Variants in BRSK2 observed in about 807,000 individuals in gnomAD.
BRSK2 encodes the protein serine/threonine-protein kinase BRSK2.
Under a neutral mutation model 83.3 loss-of-function variants are expected in BRSK2, and 19 were observed. The observed-to-expected ratio is 0.23, with a 90% CI of 0.16 to 0.33. The LOEUF (loss-of-function observed/expected upper bound fraction) is 0.33, where lower values mean the gene tolerates loss of function less well. Among genes scored for constraint, BRSK2 ranks in the 10% least tolerant of loss-of-function variants. BRSK2 has a pLI of 1.00. For missense variants in BRSK2, 798 were observed against 1,042.3 expected, an observed-to-expected ratio of 0.77 and a Z score of 3.23; for synonymous variants, 519 against 435.4, an observed-to-expected ratio of 1.19 and a Z score of -2.39.
Position 1,390,116 on chromosome 11 carries a change from G to A in BRSK2, c.-169G>A, listed in dbSNP as rs956464191. The A allele has an allele frequency of 4.7e-4, 75 of 158,602 alleles. No homozygotes were observed. The highest frequency in any genetic ancestry group is 3.2e-3 in the Middle Eastern group (1 of 308). 9.8% of individuals were successfully genotyped at this position (158,602 alleles called of 1,614,324 possible). ...CTCGGACTGCCGCGTCGGAGTGGAC[G>A]CGGGGGGCGGCGGCGCGGGCGGACG... is the stretch of plus-strand genomic sequence containing the variant. On this transcript the variant is annotated 5_prime_UTR_variant, in exon 1 of 20. Coordinates refer to ENST00000528841, the MANE Select transcript of BRSK2 (RefSeq NM_001256627.2). The surrounding 1 kb of genome is among the most constrained non-coding windows in gnomAD (Gnocchi z 6.8).
chr11:1,421,183 G>C (rs1848601552), intron 1 of BRSK2, among the ~76,000 whole-genome samples: 1 of 152,226 alleles, frequency 6.6e-6, no homozygotes, highest in Non-Finnish European at 1.5e-5. Flanking sequence ...GGGAGGGACA[G>C]TGTGGGGGCT....
intron 18 of BRSK2, chr11:1,457,119 C>T (rs561375731): frequency 3.7e-6 from 5 of 1,353,118 alleles, no homozygotes; most frequent in Non-Finnish European, 5.0e-6. Flanking sequence ...CAGGCTGGCC[C>T]TGAGCAGGGC....
intron 12 of BRSK2, 142 bp from the exon 13 acceptor site, chr11:1,449,634 T>G (rs1033813821): frequency 1.5e-6 from 1 of 649,170 alleles, no homozygotes; most frequent in Admixed American, 3.0e-5. Context: ...ATTGACAGGG[T>G]GTGCAGCAGG....
chr11:1,406,964 C>T (rs1290676082), intron 1 of BRSK2, among the ~76,000 whole-genome samples: 3 of 152,154 alleles, frequency 2.0e-5, no homozygotes, highest in African/African-American at 4.8e-5. Context: ...CCTGCCTGTG[C>T]GTGCAAACGT....
At chr11:1,446,050 G>A in intron 12 of BRSK2, 143 bp downstream of exon 12, 1 of 382,530 alleles carries the variant, frequency 2.6e-6, no homozygotes, top group Non-Finnish European at 4.2e-6. Flanking sequence ...GGGCTTAGCT[G>A]GGCTGGGCTG....
At chr11:1,455,412 A>G (rs1315274149) in intron 16 of BRSK2, among the ~76,000 whole-genome samples, 2 of 151,170 alleles carry the variant, frequency 1.3e-5, no homozygotes, top group East Asian at 3.9e-4. Flanking sequence ...GGTCTTGGCA[A>G]GATCAGGCCG....
chr11:1,401,122 G>A (rs959232149), intron 1 of BRSK2, among the ~76,000 whole-genome samples: 12 of 152,158 alleles, frequency 7.9e-5, no homozygotes, highest in Non-Finnish European at 1.5e-4. Flanking sequence ...GGGTGGAGCC[G>A]GTCACAGAGC....
At chr11:1,446,346 G>C (rs1196754316) in intron 12 of BRSK2, among the ~76,000 whole-genome samples, 1 of 149,350 alleles carries the variant, frequency 6.7e-6, no homozygotes, top group Non-Finnish European at 1.5e-5. Flanking sequence ...GATTTGACTG[G>C]GCTGAGCTGG....
chr11:1,445,052 C>T (rs369841207), intron 9 of BRSK2, 50 bp downstream of exon 9: 4 of 1,592,692 alleles, frequency 2.5e-6, no homozygotes, highest in African/African-American at 1.3e-5. Context: ...GTTGCTGTGG[C>T]CTGGAGGCCC....
rs1847520889 is a variant in BRSK2, at chr11:1,461,716, A to G, written c.*993A>G. On this transcript the variant is annotated 3_prime_UTR_variant, in exon 20 of 20. Transcript: ENST00000528841. ...TGGCGAGCTACTGTAAACTTTAAAG[A>G]ATTCCTGCAAGATATTTTTATAAAC... The G allele has an allele frequency of 6.6e-6, 1 of 150,690 alleles. No individual in the cohort carries two copies. Among genetic ancestry groups the G allele is most frequent in the Non-Finnish European group, 1.5e-5 (1 of 67,846 alleles). 9.3% of individuals were successfully genotyped at this position (150,690 alleles called of 1,614,324 possible).
chr11:1,423,378 C>T lies in BRSK2; in HGVS notation c.92-12662C>T, dbSNP rs1304906422. ...TCAGTTAGGAGCCGAGGCCTCTGGC[C>T]AGGTTCAGGCACGTGGAGAGTGTGT... On this transcript the variant is annotated intron_variant, in intron 1 of 19. Transcript: ENST00000528841. This position sits in a 1 kb window ranked among gnomAD's most constrained non-coding sequence, Gnocchi z 6.5. 6.6e-6 allele frequency among the ~76,000 whole-genome samples: 1 copy of T among 152,098 alleles called. No homozygotes were observed. The highest frequency in any genetic ancestry group is 1.5e-5 in the Non-Finnish European group (1 of 68,008).
intron 1 of BRSK2, 72 bp from the exon 2 acceptor site, chr11:1,435,968 C>G: frequency 8.3e-7 from 1 of 1,204,744 alleles, no homozygotes; most frequent in Non-Finnish European, 1.2e-6. Flanking sequence ...GGCCCCCAAC[C>G]TGCACTGTCC....
chr11:1,439,631 G>A lies in BRSK2; in HGVS notation c.273-1157G>A, dbSNP rs906599958. On this transcript the variant is annotated intron_variant, in intron 3 of 19. Coordinates refer to ENST00000528841, the MANE Select transcript of BRSK2 (RefSeq NM_001256627.2). ...CATGGCCGGGCTCGCGGCTTCTCCC[G>A]AGGTCTGGCCCTGGGTGTTGTCCCA... 7.2e-5 allele frequency among the ~76,000 whole-genome samples: 11 copies of A among 152,140 alleles called. No homozygotes were observed. In the South Asian group the frequency reaches 8.3e-4, roughly 11 times the overall value.
intron 12 of BRSK2, among the ~76,000 whole-genome samples, chr11:1,449,133 CA>C (rs1845487391): frequency 6.6e-6 from 1 of 152,224 alleles, no homozygotes; most frequent in East Asian, 1.9e-4. Flanking sequence ...GGCGGCCACA[CA>C]CCGGAGTCTC....
Position 1,390,902 on chromosome 11 carries a change from G to A in BRSK2, c.91+527G>A, listed in dbSNP as rs1270785532. On this transcript the variant is annotated intron_variant, in intron 1 of 19. Transcript: ENST00000528841. This position sits in a 1 kb window ranked among gnomAD's most constrained non-coding sequence, Gnocchi z 6.8. ...CGGGAGAGTGCGGGGACCTGCAGAG[G>A]GCTGGACAGCGCCTTGCGCTGCTCC... is the stretch of plus-strand genomic sequence containing the variant. 6.6e-6 allele frequency among the ~76,000 whole-genome samples: 1 copy of A among 152,234 alleles called. No homozygotes were observed. The highest frequency in any genetic ancestry group is 1.5e-5 in the Non-Finnish European group (1 of 68,038).
chr11:1,436,873 AAG>A (rs1477762858), intron 2 of BRSK2, among the ~76,000 whole-genome samples: 1 of 152,036 alleles, frequency 6.6e-6, no homozygotes, highest in African/African-American at 2.4e-5. Context: ...GGGAGTGGCC[AAG>A]AGAGGGGAGG....
chr11:1,455,236 G>A (rs1381342703), intron 16 of BRSK2, among the ~76,000 whole-genome samples: 1 of 152,068 alleles, frequency 6.6e-6, no homozygotes, highest in African/African-American at 2.4e-5. Context: ...AGTCCCATCA[G>A]GACGCCCCTT....
intron 1 of BRSK2, among the ~76,000 whole-genome samples, chr11:1,401,893 C>T (rs906562632): frequency 5.3e-5 from 8 of 152,234 alleles, no homozygotes; most frequent in Admixed American, 2.6e-4. Flanking sequence ...ATGTGAGGGC[C>T]GGTGATTTTT....
chr11:1,454,284 G>A lies in BRSK2; in HGVS notation c.1545-201G>A, dbSNP rs958909422. 1.7e-5 allele frequency: 10 copies of A among 582,294 alleles called. No individual in the cohort carries two copies. The highest frequency in any genetic ancestry group is 1.5e-4 in the African/African-American group (8 of 52,372). The allele number at this position is 582,294 out of a possible 1,614,324, so 36.1% of individuals were successfully genotyped here. A position where few individuals can be genotyped will look rare whatever the true frequency, so the allele number is the denominator to read the frequency against. On this transcript the variant is annotated intron_variant, in intron 15 of 19. Coordinates refer to ENST00000528841, the MANE Select transcript of BRSK2 (RefSeq NM_001256627.2). The surrounding 1 kb of genome is among the most constrained non-coding windows in gnomAD (Gnocchi z 5.2). Reference sequence around the variant, plus strand: ...GGTTAGGGTTGGGGTTGGGGTTAGAGCCACGGTGATGGTCAGGGCATATGG... The same window carrying A: ...GGTTAGGGTTGGGGTTGGGGTTAGAACCACGGTGATGGTCAGGGCATATGG...
Sources: allele counts gnomAD v4.1 joint callset (sites outside exome capture counted in the v4.1 genomes callset), GRCh38; gene constraint gnomAD v4.1.1; non-coding constraint Gnocchi (gnomAD v3.1); transcripts MANE v1.5; gene names NCBI Gene and HGNC (gene_info 2026-07-23, HGNC 2026-07-21).